C11orf97: variants seen among roughly 807,000 people sequenced by gnomAD.
C11orf97 encodes uncharacterized protein C11orf97.
C11orf97 carries 15 observed loss-of-function variants against 16.2 expected under a neutral mutation model. That is an observed-to-expected ratio of 0.93 (90% CI 0.62 to 1.43). C11orf97 has a LOEUF of 1.43. C11orf97 is among the 40% of genes most tolerant of loss of function. The pLI, the probability that C11orf97 is intolerant of heterozygous loss-of-function variation, is 0.00. For missense variants in C11orf97, 171 were observed against 161.2 expected, an observed-to-expected ratio of 1.06 and a Z score of -0.33; for synonymous variants, 61 against 65.7, an observed-to-expected ratio of 0.93 and a Z score of 0.34.
In C11orf97 at chr11:94,525,393, C is replaced by T. The variant is rs138178611; in HGVS notation, c.251-2691C>T. Among the ~76,000 whole-genome samples the T allele has an allele frequency of 2.0e-4, 30 of 152,242 alleles. No individual in the cohort carries two copies. In the East Asian group the frequency reaches 5.6e-3, roughly 28 times the overall value. ...ATACATTAATGAGTGTCTACATGTG[C>T]GTTAATACATGTAAACTTAATTTTG... On this transcript the variant is annotated intron_variant, in intron 2 of 3. Transcript: ENST00000542198.
chr11:94,516,406 C>T (rs1024443653), intron 1 of C11orf97, among the ~76,000 whole-genome samples: 1 of 152,098 alleles, frequency 6.6e-6, no homozygotes, highest in Admixed American at 6.5e-5. Context: ...TCACAGTGAC[C>T]GTATAACTGC....
Position 94,512,498 on chromosome 11 carries a change from G to A in C11orf97, c.-31G>A. 2 of 1,271,934 alleles carry A rather than the reference G, an allele frequency of 1.6e-6. No individual in the cohort carries two copies. Among genetic ancestry groups the A allele is most frequent in the Non-Finnish European group, 2.0e-6 (2 of 1,008,384 alleles). The allele number at this position is 1,271,934 out of a possible 1,614,324, so 78.8% of individuals were successfully genotyped here. Reference sequence around the variant, plus strand: ...CTGCGACTGAGCTGAGAAGGAAACCGTGCCCAGGGCTCTCGGAAGACCGCT... The same window carrying A: ...CTGCGACTGAGCTGAGAAGGAAACCATGCCCAGGGCTCTCGGAAGACCGCT... On this transcript the variant is annotated 5_prime_UTR_variant, in exon 1 of 4. The change creates a new upstream start codon in the 5' untranslated region. Coordinates refer to ENST00000542198, the MANE Select transcript of C11orf97 (RefSeq NM_001190462.2).
At chr11:94,515,463 A>G (rs943606767) in intron 1 of C11orf97, among the ~76,000 whole-genome samples, 1 of 152,192 alleles carries the variant, frequency 6.6e-6, no homozygotes, top group Non-Finnish European at 1.5e-5. Context: ...AAATGCTGGT[A>G]AAGGTCAACA....
chr11:94,530,926 T>C (rs1314169724), intron 3 of C11orf97, among the ~76,000 whole-genome samples: 2 of 152,222 alleles, frequency 1.3e-5, no homozygotes, highest in Non-Finnish European at 2.9e-5. Flanking sequence ...ACTTCTCCCA[T>C]AAAATATGCT....
intron 2 of C11orf97, among the ~76,000 whole-genome samples, chr11:94,523,314 A>T (rs1482851698): frequency 6.6e-6 from 1 of 152,216 alleles, no homozygotes; most frequent in African/African-American, 2.4e-5. Flanking sequence ...ATATGCATGG[A>T]TCTAAGCATA....
intron 1 of C11orf97, among the ~76,000 whole-genome samples, chr11:94,516,776 A>T (rs1328495170): frequency 6.6e-6 from 1 of 152,234 alleles, no homozygotes; most frequent in African/African-American, 2.4e-5. Context: ...ATTTGAGTAG[A>T]AGTTATATAG....
intron 1 of C11orf97, among the ~76,000 whole-genome samples, chr11:94,516,482 C>T (rs1947612360): frequency 6.6e-6 from 1 of 152,168 alleles, no homozygotes; most frequent in South Asian, 2.1e-4. Context: ...TCTAACTGAA[C>T]ACACATTTGT....
chr11:94,531,526 CAAAAAAAAAAAA>C (rs35270400), intron 3 of C11orf97, among the ~76,000 whole-genome samples: 1 of 92,076 alleles, frequency 1.1e-5, no homozygotes, highest in Non-Finnish European at 2.1e-5. Context: ...CAAAACAAGC[CAAAAAAAAAAAA>C]AAAAAAAAAA....
Position 94,515,570 on chromosome 11 carries a change from T to C in C11orf97, c.146-2013T>C, listed in dbSNP as rs1947605320. ...TAAATTTGCTTTCCCTTCCTTTCCT[T>C]TTCCTTCCTTTCCTTTCCCTTTCTC... On this transcript the variant is annotated intron_variant, in intron 1 of 3. Coordinates refer to ENST00000542198, the MANE Select transcript of C11orf97 (RefSeq NM_001190462.2). 2.6e-5 allele frequency among the ~76,000 whole-genome samples: 4 copies of C among 151,340 alleles called. No homozygotes were observed. The South Asian group carries it at 6.3e-4, about 24-fold the overall frequency.
At chr11:94,528,236 A>G in intron 3 of C11orf97, 27 bp downstream of exon 3, 1 of 1,523,598 alleles carries the variant, frequency 6.6e-7, no homozygotes, top group East Asian at 2.5e-5. Flanking sequence ...CTTGACTTCC[A>G]CTGAAGCCCC....
intron 2 of C11orf97, among the ~76,000 whole-genome samples, chr11:94,520,143 A>C (rs1465222918): frequency 6.6e-6 from 1 of 152,168 alleles, no homozygotes; most frequent in Non-Finnish European, 1.5e-5. Flanking sequence ...ATTTGTTCCC[A>C]TGAGTCCAGG....
intron 2 of C11orf97, among the ~76,000 whole-genome samples, chr11:94,521,344 C>T (rs1007359039): frequency 1.3e-5 from 2 of 152,222 alleles, no homozygotes; most frequent in African/African-American, 4.8e-5. Context: ...ATTTTGAATG[C>T]TGCTCTTTTC....
chr11:94,528,074 A>C lies in C11orf97; in HGVS notation c.251-10A>C, dbSNP rs1214013717. The C allele has an allele frequency of 1.3e-6, 2 of 1,521,720 alleles. No individual in the cohort carries two copies. Among genetic ancestry groups the C allele is most frequent in the South Asian group, 1.2e-5 (1 of 81,376 alleles). The allele number at this position is 1,521,720 out of a possible 1,614,324, so 94.3% of individuals were successfully genotyped here. A position where few individuals can be genotyped will look rare whatever the true frequency, so the allele number is the denominator to read the frequency against. Reference sequence around the variant, plus strand: ...AATAATTATTTTCTTGCCTTAAAAAATATTGACAGTGGCCCTGGAAGGGAT... The same window carrying C: ...AATAATTATTTTCTTGCCTTAAAAACTATTGACAGTGGCCCTGGAAGGGAT... On this transcript the variant is annotated splice_polypyrimidine_tract_variant and intron_variant, in intron 2 of 3. Coordinates refer to ENST00000542198, the MANE Select transcript of C11orf97 (RefSeq NM_001190462.2).
At chr11:94,524,116 A>T (rs1156434017) in intron 2 of C11orf97, among the ~76,000 whole-genome samples, 6 of 152,052 alleles carry the variant, frequency 3.9e-5, no homozygotes, top group African/African-American at 1.4e-4. Flanking sequence ...TAATAATAGT[A>T]ATAATGGTTA....
At chr11:94,521,177 G>A (rs981875534) in intron 2 of C11orf97, among the ~76,000 whole-genome samples, 1 of 152,160 alleles carries the variant, frequency 6.6e-6, no homozygotes, top group Non-Finnish European at 1.5e-5. Context: ...TGTCCTCCAG[G>A]TCACCTTCTA....
chr11:94,523,992 C>T (rs952868772), intron 2 of C11orf97, among the ~76,000 whole-genome samples: 2 of 152,052 alleles, frequency 1.3e-5, no homozygotes, highest in Admixed American at 1.3e-4. Flanking sequence ...ACTTTTGATT[C>T]CTTGTAGGCT....
chr11:94,524,432 A>T (rs1947683198), intron 2 of C11orf97, among the ~76,000 whole-genome samples: 2 of 151,818 alleles, frequency 1.3e-5, no homozygotes, highest in African/African-American at 2.4e-5. Context: ...CTATTCAGTT[A>T]AAAAAAAGAA....
At chr11:94,513,052 C>G in intron 1 of C11orf97, among the ~76,000 whole-genome samples, 1 of 152,136 alleles carries the variant, frequency 6.6e-6, no homozygotes, top group East Asian at 1.9e-4. Context: ...TAGAAACACG[C>G]AGCTCATTTT....
intron 2 of C11orf97, among the ~76,000 whole-genome samples, chr11:94,526,851 A>G (rs1374806540): frequency 1.3e-5 from 2 of 152,186 alleles, no homozygotes; most frequent in Non-Finnish European, 2.9e-5. Flanking sequence ...CTTGACAGAT[A>G]GCTTCAGCTA....
Sources: gnomAD v4.1 joint callset for allele counts (sites outside exome capture counted in the v4.1 genomes callset) on GRCh38, gnomAD v4.1.1 for gene constraint, MANE v1.5 for transcripts, NCBI Gene and HGNC (gene_info 2026-07-23, HGNC 2026-07-21) for gene names.